TASP1: variants seen among roughly 807,000 people sequenced by gnomAD.
TASP1 encodes taspase 1.
In TASP1, 16 loss-of-function variants were observed where a neutral mutation model predicts 56.6. The ratio of observed to expected loss-of-function variants is 0.28; its 90% CI spans 0.19 to 0.43. The LOEUF (loss-of-function observed/expected upper bound fraction) is 0.43, where lower values mean the gene tolerates loss of function less well. Ranked by LOEUF, TASP1 falls within the 20% of genes least tolerant of loss-of-function variation. TASP1 has a pLI of 1.00. For missense variants in TASP1, 393 were observed against 511.6 expected, an observed-to-expected ratio of 0.77 and a Z score of 2.24; for synonymous variants, 179 against 184.2, an observed-to-expected ratio of 0.97 and a Z score of 0.23.
At chr20:13,278,390 G>C in the TASP1 span, among the ~76,000 whole-genome samples, 1 of 152,172 alleles carries the variant, frequency 6.6e-6, no homozygotes, top group African/African-American at 2.4e-5. Flanking sequence ...TTGTAGCTGG[G>C]AAAGCCTCGT....
chr20:13,160,169 G>C, the TASP1 span: 544 of 1,579,498 alleles, frequency 3.4e-4, 11 homozygotes, highest in South Asian at 6.1e-3. Context: ...CTCAGTACCA[G>C]TACCTTGGAT....
At chr20:13,527,280 G>A (rs1012522259) in intron 10 of TASP1, among the ~76,000 whole-genome samples, 2 of 152,112 alleles carry the variant, frequency 1.3e-5, no homozygotes, top group African/African-American at 4.8e-5. Context: ...CAGGACAAGA[G>A]GGCTACTGGA....
intron 4 of TASP1, among the ~76,000 whole-genome samples, chr20:13,607,884 T>C (rs2048214693): frequency 6.6e-6 from 1 of 152,126 alleles, no homozygotes; most frequent in African/African-American, 2.4e-5. Flanking sequence ...GGAGAATCAC[T>C]TGAACCTTGA....
At chr20:13,195,645 TA>T in the TASP1 span, among the ~76,000 whole-genome samples, 3 of 152,182 alleles carry the variant, frequency 2.0e-5, no homozygotes, top group Non-Finnish European at 4.4e-5. Flanking sequence ...CACCCCTGCT[TA>T]CTGGGACCAC....
intron 12 of TASP1, among the ~76,000 whole-genome samples, chr20:13,428,344 A>G (rs1568786869): frequency 6.6e-6 from 1 of 152,194 alleles, no homozygotes; most frequent in Non-Finnish European, 1.5e-5. Flanking sequence ...TTACAAGCTT[A>G]AAATGGTAAA....
chr20:13,590,726 C>T (rs2047497837), intron 4 of TASP1, among the ~76,000 whole-genome samples: 3 of 151,894 alleles, frequency 2.0e-5, no homozygotes, highest in African/African-American at 4.8e-5. Flanking sequence ...ATTAGCTGGG[C>T]ATGGTGGTGC....
chr20:13,404,486 G>C (rs2041846683), intron 13 of TASP1, among the ~76,000 whole-genome samples: 1 of 152,140 alleles, frequency 6.6e-6, no homozygotes, highest in Non-Finnish European at 1.5e-5. Flanking sequence ...TGTACCTATA[G>C]TCTTAGCTAC....
At chr20:13,363,135 C>A in the TASP1 span, among the ~76,000 whole-genome samples, 2 of 152,098 alleles carry the variant, frequency 1.3e-5, no homozygotes, top group East Asian at 3.9e-4. Context: ...GTGATAGAAG[C>A]ATCTTTTGTT....
chr20:13,382,006 T>C, the TASP1 span, among the ~76,000 whole-genome samples: 1 of 152,120 alleles, frequency 6.6e-6, no homozygotes, highest in African/African-American at 2.4e-5. Context: ...CCTCTTCAAC[T>C]TGGAGTTGGA....
At chr20:13,297,788 A>G in the TASP1 span, among the ~76,000 whole-genome samples, 1 of 152,230 alleles carries the variant, frequency 6.6e-6, no homozygotes, top group South Asian at 2.1e-4. Flanking sequence ...ATAGGCAACT[A>G]ATCAATTATT....
chr20:13,208,730 C>A, the TASP1 span, among the ~76,000 whole-genome samples: 4 of 152,198 alleles, frequency 2.6e-5, no homozygotes, highest in African/African-American at 9.7e-5. Flanking sequence ...GTAAATGAGA[C>A]ACCACATGGA....
the TASP1 span, among the ~76,000 whole-genome samples, chr20:13,263,094 G>A: frequency 8.0e-4 from 122 of 152,210 alleles, no homozygotes; most frequent in African/African-American, 2.6e-3. Context: ...ACGTATGGCC[G>A]TTTCCCCTCT....
chr20:13,318,775 A>G, the TASP1 span, among the ~76,000 whole-genome samples: 1 of 152,240 alleles, frequency 6.6e-6, no homozygotes, highest in Non-Finnish European at 1.5e-5. Context: ...AGCCAATCTA[A>G]AGAGGCTACC....
At chr20:13,417,905 C>G (rs1375915807) in intron 12 of TASP1, among the ~76,000 whole-genome samples, 5 of 152,150 alleles carry the variant, frequency 3.3e-5, no homozygotes, top group Non-Finnish European at 7.3e-5. Flanking sequence ...TACACACACA[C>G]CAGGTCTTAA....
chr20:13,111,901 C>G, the TASP1 span, among the ~76,000 whole-genome samples: 2 of 152,196 alleles, frequency 1.3e-5, no homozygotes, highest in African/African-American at 2.4e-5. Context: ...ATCAGCTACA[C>G]AGAGAAACAA....
At chr20:13,624,414 T>C (rs2048816453) in intron 3 of TASP1, among the ~76,000 whole-genome samples, 1 of 152,086 alleles carries the variant, frequency 6.6e-6, no homozygotes, top group East Asian at 1.9e-4. Context: ...AAAATCCCTG[T>C]AACAAAATAT....
chr20:13,458,108 A>G (rs2146331782), intron 11 of TASP1, among the ~76,000 whole-genome samples: 1 of 152,322 alleles, frequency 6.6e-6, no homozygotes, highest in South Asian at 2.1e-4. Flanking sequence ...TAGTCAAGAC[A>G]GTAGTGGTAC....
the TASP1 span, among the ~76,000 whole-genome samples, chr20:13,224,884 C>T: frequency 1.7e-4 from 23 of 132,078 alleles, no homozygotes; most frequent in Non-Finnish European, 3.2e-4. Flanking sequence ...CTTGCTCTGT[C>T]GCCCAGGCTG....
At chr20:13,598,935 C>T (rs1257420391) in intron 4 of TASP1, among the ~76,000 whole-genome samples, 2 of 152,184 alleles carry the variant, frequency 1.3e-5, no homozygotes, top group African/African-American at 4.8e-5. Context: ...AAATGCTCAT[C>T]ATCACTGCTC....
Sources: allele counts gnomAD v4.1 joint callset (sites outside exome capture counted in the v4.1 genomes callset), GRCh38; gene constraint gnomAD v4.1.1; transcripts MANE v1.5; gene names NCBI Gene and HGNC (gene_info 2026-07-23, HGNC 2026-07-21).